The following ME1 variants were observed in gnomAD, a reference collection of about 807,000 sequenced individuals.
ME1 encodes NADP-dependent malic enzyme.
ME1 carries 74 observed loss-of-function variants against 66.4 expected under a neutral mutation model. The observed-to-expected ratio is 1.11, with a 90% CI of 0.92 to 1.35. The LOEUF is 1.35. Among genes scored for constraint, ME1 ranks in the 40% most tolerant of loss-of-function variants. The probability of loss-of-function intolerance (pLI) is 0.00; values close to 1 mark genes in which losing one functional copy is unlikely to be tolerated. For missense variants in ME1, 750 were observed against 694.1 expected (o/e 1.08, Z -0.90); for synonymous variants, 251 against 235.6 (o/e 1.07, Z -0.60).
intron 5 of ME1, among the ~76,000 whole-genome samples, chr6:83,321,145 G>T (rs1420489058): frequency 6.6e-6 from 1 of 152,154 alleles, no homozygotes; most frequent in Admixed American, 6.5e-5. Flanking sequence ...TTTTCCCCAT[G>T]GTCTTCACAA....
chr6:83,412,360 C>T (rs970317020), intron 1 of ME1, among the ~76,000 whole-genome samples: 1 of 152,022 alleles, frequency 6.6e-6, no homozygotes, highest in Non-Finnish European at 1.5e-5. Flanking sequence ...GATTATATTA[C>T]GGCAGAGATG....
chr6:83,383,112 A>G (rs570714421), intron 3 of ME1, among the ~76,000 whole-genome samples: 2 of 151,940 alleles, frequency 1.3e-5, no homozygotes, highest in East Asian at 3.9e-4. Flanking sequence ...CTTAAAATGT[A>G]TACACACATA....
intron 3 of ME1, among the ~76,000 whole-genome samples, chr6:83,355,794 T>TA (rs1043467838): frequency 6.6e-6 from 1 of 152,050 alleles, no homozygotes; most frequent in Non-Finnish European, 1.5e-5. Context: ...AGTTATAAAA[T>TA]AAAAAAGTTT....
intron 9 of ME1, among the ~76,000 whole-genome samples, chr6:83,237,274 A>AGAAAGAAAGAAAGAAAGAAAGGAAG (rs1554262978): frequency 6.0e-5 from 5 of 83,674 alleles, no homozygotes; most frequent in Admixed American, 2.5e-4. Flanking sequence ...AAAGAAAGAA[A>AGAAAGAAAGAAAGAAAGAAAGGAAG]GAAAGGAAGG....
At chr6:83,312,134 A>G (rs1375558276) in intron 6 of ME1, among the ~76,000 whole-genome samples, 1 of 152,208 alleles carries the variant, frequency 6.6e-6, no homozygotes, top group Non-Finnish European at 1.5e-5. Flanking sequence ...CTTTATCCAC[A>G]GGGAACTACA....
chr6:83,359,062 G>A lies in ME1; in HGVS notation c.363-6923C>T, dbSNP rs553593897. Among the ~76,000 whole-genome samples, 58 of 151,734 alleles carry A rather than the reference G, an allele frequency of 3.8e-4. No individual in the cohort carries two copies. In the South Asian group the frequency reaches 0.012, roughly 32 times the overall value. ...CCAGATGGTGGGCAGCTGGGCAGAG[G>A]GGCACATCACTTCCCAGATGGGGTG... is the stretch of plus-strand genomic sequence containing the variant. On this transcript the variant is annotated intron_variant, in intron 3 of 13. Transcript: ENST00000369705.
intron 13 of ME1, among the ~76,000 whole-genome samples, chr6:83,215,985 G>A (rs79418052): frequency 0.041 from 6,244 of 152,184 alleles, 234 homozygotes; most frequent in East Asian, 0.17. Flanking sequence ...AACTCCTTCA[G>A]TAGCTCATCT....
At chr6:83,319,151 TG>T (rs1402002535) in intron 5 of ME1, among the ~76,000 whole-genome samples, 1 of 125,080 alleles carries the variant, frequency 8.0e-6, no homozygotes, top group African/African-American at 3.0e-5. Flanking sequence ...TGGGGACTGT[TG>T]TGGGGTCAGG....
intron 7 of ME1, among the ~76,000 whole-genome samples, chr6:83,246,802 T>C (rs1790632251): frequency 6.6e-6 from 1 of 152,100 alleles, no homozygotes; most frequent in South Asian, 2.1e-4. Context: ...CCCCAAAAGT[T>C]GTATCAATCT....
intron 6 of ME1, among the ~76,000 whole-genome samples, chr6:83,258,180 A>C (rs547861140): frequency 6.6e-6 from 1 of 152,160 alleles, no homozygotes; most frequent in Non-Finnish European, 1.5e-5. Context: ...AAAATGGTGT[A>C]CAGGATACCT....
intron 7 of ME1, among the ~76,000 whole-genome samples, chr6:83,242,039 T>C (rs940495973): frequency 2.0e-5 from 3 of 152,224 alleles, no homozygotes; most frequent in African/African-American, 7.2e-5. Context: ...ATTTTTGTAT[T>C]TTTAGTAGAG....
At chr6:83,230,171 G>A (rs1790275848) in intron 9 of ME1, among the ~76,000 whole-genome samples, 1 of 149,994 alleles carries the variant, frequency 6.7e-6, no homozygotes, top group South Asian at 2.1e-4. Context: ...TTTTAATTTT[G>A]TTTTGTTTGT....
intron 3 of ME1, among the ~76,000 whole-genome samples, chr6:83,369,158 G>A (rs972576854): frequency 6.6e-6 from 1 of 152,068 alleles, no homozygotes; most frequent in Admixed American, 6.6e-5. Flanking sequence ...ACAGTTAAGT[G>A]TCAGGTCATG....
intron 6 of ME1, among the ~76,000 whole-genome samples, chr6:83,273,103 G>A (rs764004031): frequency 2.0e-5 from 3 of 150,280 alleles, no homozygotes; most frequent in Non-Finnish European, 2.9e-5. Flanking sequence ...CTTGAACCCA[G>A]GAGATGGAGG....
intron 1 of ME1, among the ~76,000 whole-genome samples, chr6:83,418,105 G>A (rs1770196199): frequency 6.6e-6 from 1 of 152,214 alleles, no homozygotes; most frequent in South Asian, 2.1e-4. Context: ...ATCCACTGTG[G>A]AGATTTGCAG....
At chr6:83,215,137 ATTAC>A (rs1325010323) in intron 13 of ME1, among the ~76,000 whole-genome samples, 1 of 152,204 alleles carries the variant, frequency 6.6e-6, no homozygotes, top group Non-Finnish European at 1.5e-5. Context: ...TTTTTAGAGA[ATTAC>A]TTCTTTTTTT....
chr6:83,302,194 T>C (rs1170518), intron 6 of ME1, among the ~76,000 whole-genome samples: 71,538 of 152,044 alleles, frequency 0.47, 18,565 homozygotes, highest in African/African-American at 0.7. Flanking sequence ...AGCAAACTAA[T>C]GCAAGAACAG....
chr6:83,331,312 G>A (rs184132185), intron 5 of ME1, among the ~76,000 whole-genome samples: 13 of 152,134 alleles, frequency 8.5e-5, no homozygotes, highest in South Asian at 8.3e-4. Flanking sequence ...GAAATTGGCC[G>A]GGTGCGGTGG....
At chr6:83,423,669 C>T (rs1160983404) in intron 1 of ME1, among the ~76,000 whole-genome samples, 1 of 151,898 alleles carries the variant, frequency 6.6e-6, no homozygotes, top group Non-Finnish European at 1.5e-5. Context: ...AGTGGTAGCA[C>T]ATGCCTGTAG....
Sources: gnomAD v4.1 joint callset for allele counts (sites outside exome capture counted in the v4.1 genomes callset) on GRCh38, gnomAD v4.1.1 for gene constraint, MANE v1.5 for transcripts, NCBI Gene and HGNC (gene_info 2026-07-23, HGNC 2026-07-21) for gene names.